The following INTS15 variants were observed in gnomAD, a reference collection of about 807,000 sequenced individuals.
INTS15 encodes integrator complex subunit 15.
At chr7:6,603,684 C>G in the INTS15 span, among the ~76,000 whole-genome samples, 1 of 151,272 alleles carries the variant, frequency 6.6e-6, no homozygotes, top group African/African-American at 2.4e-5. Context: ...ACTAAAAATA[C>G]AAAAGTTAGC....
chr7:6,608,142 C>A, the INTS15 span: 1 of 1,555,096 alleles, frequency 6.4e-7, no homozygotes, highest in East Asian at 2.3e-5. Context: ...GTGACCTTTC[C>A]CTTCAGGCCC....
the INTS15 span, chr7:6,602,035 C>T: frequency 1.0e-5 from 14 of 1,393,294 alleles, no homozygotes; most frequent in African/African-American, 1.4e-5. Context: ...TTGCAAAGAA[C>T]GTCAGTGTGT....
the INTS15 span, among the ~76,000 whole-genome samples, chr7:6,605,762 G>C: frequency 6.6e-6 from 1 of 150,884 alleles, no homozygotes; most frequent in African/African-American, 2.4e-5. Context: ...GCCGTGGTGT[G>C]ATCTCGGCTC....
chr7:6,599,024 G>A, the INTS15 span, among the ~76,000 whole-genome samples: 1 of 152,044 alleles, frequency 6.6e-6, no homozygotes, highest in Non-Finnish European at 1.5e-5. Context: ...CTGAACTCAA[G>A]TGATCCTCCC....
At chr7:6,596,772 A>G in the INTS15 span, among the ~76,000 whole-genome samples, 2 of 151,060 alleles carry the variant, frequency 1.3e-5, no homozygotes, top group Non-Finnish European at 2.9e-5. Context: ...TCGTACGCTA[A>G]TTTCTTTCTT....
chr7:6,600,999 A>T, the INTS15 span, among the ~76,000 whole-genome samples: 1 of 151,658 alleles, frequency 6.6e-6, no homozygotes, highest in Non-Finnish European at 1.5e-5. Flanking sequence ...AGGGTTTCTC[A>T]CTCTGTTGCC....
chr7:6,591,601 G>C, the INTS15 span: 8 of 1,556,730 alleles, frequency 5.1e-6, no homozygotes, highest in Non-Finnish European at 7.1e-6. Context: ...TAATAAGTAC[G>C]TTACAGCCAC....
the INTS15 span, among the ~76,000 whole-genome samples, chr7:6,591,078 T>C: frequency 0.013 from 1,853 of 147,698 alleles, 46 homozygotes; most frequent in African/African-American, 0.046. Flanking sequence ...GGCTCAAGAT[T>C]CTCTCTCCTT....
chr7:6,603,707 C>T, the INTS15 span, among the ~76,000 whole-genome samples: 5,101 of 152,096 alleles, frequency 0.034, 102 homozygotes, highest in Middle Eastern at 0.051. Flanking sequence ...GGCATGGTGG[C>T]GGGTGCCTGT....
chr7:6,595,573 T>C, the INTS15 span, among the ~76,000 whole-genome samples: 1 of 152,168 alleles, frequency 6.6e-6, no homozygotes, highest in Admixed American at 6.5e-5. Flanking sequence ...TGAGGTGCAA[T>C]GGTCCAAGTG....
the INTS15 span, chr7:6,599,840 C>A: frequency 6.2e-7 from 1 of 1,612,864 alleles, no homozygotes; most frequent in Non-Finnish European, 8.5e-7. Context: ...TGACCTCATT[C>A]CACCTATGGA....
At chr7:6,590,155 GC>G in the INTS15 span, 1 of 758,874 alleles carries the variant, frequency 1.3e-6, no homozygotes. Flanking sequence ...GCGGCGGCAG[GC>G]GGGCAAGCGG....
the INTS15 span, chr7:6,590,195 C>T: frequency 2.5e-6 from 3 of 1,213,610 alleles, no homozygotes; most frequent in Admixed American, 4.1e-5. Context: ...GCCCGGGTCG[C>T]GCCTCTTTGT....
the INTS15 span, among the ~76,000 whole-genome samples, chr7:6,593,330 T>G: frequency 9.7e-6 from 1 of 102,624 alleles, no homozygotes; most frequent in Non-Finnish European, 2.0e-5. Context: ...TGTGCGGTGG[T>G]TTTTTTTTTT....
chr7:6,598,429 A>C, the INTS15 span, among the ~76,000 whole-genome samples: 14 of 146,892 alleles, frequency 9.5e-5, no homozygotes, highest in African/African-American at 3.6e-4. Context: ...AGATCACGCC[A>C]CTGCACTCCA....
chr7:6,590,519 G>A, the INTS15 span: 1 of 1,501,328 alleles, frequency 6.7e-7, no homozygotes, highest in Non-Finnish European at 8.9e-7. Flanking sequence ...GCAGGCGGGC[G>A]GGCGGGCCTT....
chr7:6,598,098 C>G, the INTS15 span, among the ~76,000 whole-genome samples: 1 of 152,132 alleles, frequency 6.6e-6, no homozygotes, highest in Non-Finnish European at 1.5e-5. Context: ...CAGCTCAGAT[C>G]TGAGGGGGCG....
chr7:6,590,415 C>G, the INTS15 span: 9,901 of 1,604,586 alleles, frequency 6.2e-3, 71 homozygotes, highest in Middle Eastern at 6.5e-3. Context: ...ACAAGGGCCC[C>G]GTGGAGCTGC....
At chr7:6,607,968 A>G in the INTS15 span, 2 of 1,599,488 alleles carry the variant, frequency 1.3e-6, no homozygotes, top group Non-Finnish European at 1.7e-6. The surrounding 1 kb of genome is among the most constrained non-coding windows in gnomAD (Gnocchi z 6.0). Context: ...AGCCTCCTCC[A>G]GCTGGTGATC....
Sources: gnomAD v4.1 joint callset for allele counts (sites outside exome capture counted in the v4.1 genomes callset) on GRCh38, gnomAD v4.1.1 for gene constraint, Gnocchi (gnomAD v3.1) non-coding constraint, MANE v1.5 for transcripts, NCBI Gene and HGNC (gene_info 2026-07-23, HGNC 2026-07-21) for gene names.